The following ST6GALNAC3 variants were observed in gnomAD, a reference collection of about 807,000 sequenced individuals.
ST6GALNAC3 encodes the protein ST6 N-acetylgalactosaminide alpha-2,6-sialyltransferase 3.
ST6GALNAC3 carries 25 observed loss-of-function variants against 32.7 expected under a neutral mutation model. The observed-to-expected ratio is 0.76, with a 90% CI of 0.56 to 1.07. The LOEUF (loss-of-function observed/expected upper bound fraction) is 1.07. ST6GALNAC3 is among the 50% of genes least tolerant of loss of function. The pLI, the probability that ST6GALNAC3 is intolerant of heterozygous loss-of-function variation, is 0.00. For synonymous variants in ST6GALNAC3, 129 were observed against 133.1 expected (o/e 0.97, Z 0.21); for missense variants, 355 against 382.4 (o/e 0.93, Z 0.60).
intron 2 of ST6GALNAC3, among the ~76,000 whole-genome samples, chr1:76,404,982 G>A (rs903767680): frequency 1.3e-5 from 2 of 152,154 alleles, no homozygotes; most frequent in South Asian, 2.1e-4. Context: ...CTTGAGATAA[G>A]CAAGTTTTAT....
chr1:76,604,537 T>A lies in ST6GALNAC3; in HGVS notation c.624-22915T>A, dbSNP rs536014762. On this transcript the variant is annotated intron_variant, in intron 3 of 4. Coordinates refer to ENST00000328299, the MANE Select transcript of ST6GALNAC3 (RefSeq NM_152996.4). ...TTCCCTCTGCTCACACCTCAAATGT[T>A]AGTGTTCCTTAGGCTCATTCCTGTT... Among the ~76,000 whole-genome samples the A allele has an allele frequency of 2.0e-5, 3 of 152,306 alleles. No homozygotes were observed. In the South Asian group the frequency reaches 6.2e-4, roughly 32 times the overall value.
At chr1:76,613,736 C>T (rs557808463) in intron 3 of ST6GALNAC3, among the ~76,000 whole-genome samples, 50 of 152,328 alleles carry the variant, frequency 3.3e-4, no homozygotes, top group African/African-American at 1.2e-3. Context: ...CCACGTAAGA[C>T]GTGCCTCCTT....
intron 3 of ST6GALNAC3, among the ~76,000 whole-genome samples, chr1:76,556,678 A>C (rs1287739405): frequency 6.6e-6 from 1 of 152,070 alleles, no homozygotes; most frequent in Non-Finnish European, 1.5e-5. Context: ...TCTTTGGATA[A>C]ATGTTTCTTC....
At chr1:76,074,933 C>T (rs202238663) in intron 1 of ST6GALNAC3, 49 bp downstream of exon 1, 55 of 1,572,466 alleles carry the variant, frequency 3.5e-5, no homozygotes, top group Middle Eastern at 3.3e-4. Flanking sequence ...CAGCCCCTTG[C>T]TGCTCAGAGG....
In ST6GALNAC3 at chr1:76,334,531, C is replaced by T. The variant is rs1647314117; in HGVS notation, c.213+20532C>T. On this transcript the variant is annotated intron_variant, in intron 2 of 4. Transcript: ENST00000328299. Reference sequence around the variant, plus strand: ...TACCATGTTAGAAGTACAAATAAAGCGATGTTGGACAAATGAAGTGAAATT... The same window carrying T: ...TACCATGTTAGAAGTACAAATAAAGTGATGTTGGACAAATGAAGTGAAATT... 2.6e-5 allele frequency among the ~76,000 whole-genome samples: 4 copies of T among 152,232 alleles called. No homozygotes were observed. The South Asian group carries it at 6.2e-4, about 24-fold the overall frequency.
intron 3 of ST6GALNAC3, among the ~76,000 whole-genome samples, chr1:76,424,761 A>G (rs1655255945): frequency 6.6e-6 from 1 of 151,996 alleles, no homozygotes; most frequent in Admixed American, 6.6e-5. Context: ...GGCTTCACCT[A>G]TTCAAGTATT....
At chr1:76,601,832 C>A (rs1190119541) in intron 3 of ST6GALNAC3, among the ~76,000 whole-genome samples, 4 of 152,152 alleles carry the variant, frequency 2.6e-5, no homozygotes, top group African/African-American at 9.7e-5. Context: ...CAGTGCTGAA[C>A]ATGACCAGTT....
intron 3 of ST6GALNAC3, among the ~76,000 whole-genome samples, chr1:76,597,755 T>C (rs1647160583): frequency 6.6e-6 from 1 of 152,140 alleles, no homozygotes; most frequent in Non-Finnish European, 1.5e-5. Flanking sequence ...AGTGATTATA[T>C]GAAGAGTAAT....
rs912741700 is a variant in ST6GALNAC3 at position 76,632,615 on chromosome 1, G to T, written c.*3809G>T. ...ATTTGGTATGAATCAGCTGAGGTAGGAACAAGAGTCTGAATTGGGGACCTG... is the reference window on the plus strand; with the variant it reads ...ATTTGGTATGAATCAGCTGAGGTAGTAACAAGAGTCTGAATTGGGGACCTG... On this transcript the variant is annotated 3_prime_UTR_variant, in exon 5 of 5. Transcript: ENST00000328299. 1 of 152,134 alleles carries T rather than the reference G, an allele frequency of 6.6e-6. No homozygotes were observed. Among genetic ancestry groups the T allele is most frequent in the Non-Finnish European group, 1.5e-5 (1 of 68,030 alleles). 9.4% of individuals were successfully genotyped at this position (152,134 alleles called of 1,614,324 possible).
At chr1:76,274,085 A>G (rs1048228978) in intron 1 of ST6GALNAC3, among the ~76,000 whole-genome samples, 3 of 152,186 alleles carry the variant, frequency 2.0e-5, no homozygotes, top group Non-Finnish European at 4.4e-5. Context: ...TTTCCTTTCT[A>G]ATCTTTGCAA....
At chr1:76,314,116 T>C in intron 2 of ST6GALNAC3, 117 bp downstream of exon 2, 1 of 929,004 alleles carries the variant, frequency 1.1e-6, no homozygotes, top group Non-Finnish European at 1.5e-6. Context: ...GAGAGCTTGC[T>C]TGGGTCCCTG....
At chr1:76,331,248 A>C (rs114844441) in intron 2 of ST6GALNAC3, among the ~76,000 whole-genome samples, 83 of 152,312 alleles carry the variant, frequency 5.4e-4, no homozygotes, top group African/African-American at 1.8e-3. Context: ...TTTGTTCATG[A>C]GTAATGGAAA....
chr1:76,201,834 C>G (rs1654537171), intron 1 of ST6GALNAC3, among the ~76,000 whole-genome samples: 1 of 152,094 alleles, frequency 6.6e-6, no homozygotes, highest in African/African-American at 2.4e-5. Flanking sequence ...TACAAAAAGA[C>G]AAGACTATGT....
chr1:76,423,956 C>T (rs929931341), intron 3 of ST6GALNAC3, among the ~76,000 whole-genome samples: 25 of 151,786 alleles, frequency 1.6e-4, no homozygotes, highest in African/African-American at 4.8e-4. Flanking sequence ...TTAATATCCT[C>T]GTAATGAAAT....
At chr1:76,282,543 C>G (rs968458245) in intron 1 of ST6GALNAC3, among the ~76,000 whole-genome samples, 1 of 152,044 alleles carries the variant, frequency 6.6e-6, no homozygotes, top group African/African-American at 2.4e-5. Flanking sequence ...TTAGTTTTAT[C>G]AATAGTGCAG....
intron 3 of ST6GALNAC3, among the ~76,000 whole-genome samples, chr1:76,613,856 G>A (rs1648102960): frequency 6.6e-6 from 1 of 152,164 alleles, no homozygotes; most frequent in African/African-American, 2.4e-5. Flanking sequence ...TTGTGGATTG[G>A]CCAGTCTCAA....
Position 76,630,582 on chromosome 1 carries a change from T to C in ST6GALNAC3, c.*1776T>C. 16 of 985,508 alleles carry C rather than the reference T, an allele frequency of 1.6e-5. No homozygotes were observed. The highest frequency in any genetic ancestry group is 1.9e-5 in the Non-Finnish European group (16 of 829,816). 61.0% of individuals were successfully genotyped at this position (985,508 alleles called of 1,614,324 possible). On this transcript the variant is annotated 3_prime_UTR_variant, in exon 5 of 5. Transcript: ENST00000328299. ...AGAATGTTTTGGAAACTGGAAGTAA[T>C]GATACATTTCACTTCAGAAGCACTT...
intron 2 of ST6GALNAC3, among the ~76,000 whole-genome samples, chr1:76,332,523 G>T (rs531424495): frequency 1.3e-4 from 20 of 152,156 alleles, no homozygotes; most frequent in Admixed American, 9.8e-4. Flanking sequence ...CTACTTCCTT[G>T]GAAAGAAATA....
intron 1 of ST6GALNAC3, among the ~76,000 whole-genome samples, chr1:76,183,442 A>G (rs1283005677): frequency 6.6e-6 from 1 of 152,110 alleles, no homozygotes; most frequent in East Asian, 1.9e-4. Flanking sequence ...TCACATATAT[A>G]TGTTATTGAA....
Sources: gnomAD v4.1 joint callset for allele counts (sites outside exome capture counted in the v4.1 genomes callset) on GRCh38, gnomAD v4.1.1 for gene constraint, MANE v1.5 for transcripts, NCBI Gene and HGNC (gene_info 2026-07-23, HGNC 2026-07-21) for gene names.